Variants in LDB3 observed in about 807,000 individuals in gnomAD.
The protein encoded by LDB3 is LIM domain binding 3.
LDB3 carries 49 observed loss-of-function variants against 69.0 expected under a neutral mutation model. That is an observed-to-expected ratio of 0.71 (90% confidence interval 0.56 to 0.90). The LOEUF (loss-of-function observed/expected upper bound fraction) is 0.90, where lower values mean the gene tolerates loss of function less well. Among genes scored for constraint, LDB3 ranks in the 40% least tolerant of loss-of-function variants. LDB3 has a pLI of 0.00. For missense variants in LDB3, 928 were observed against 974.1 expected (o/e 0.95, Z 0.63); for synonymous variants, 387 against 396.2 (o/e 0.98, Z 0.28).
Position 86,733,111 on chromosome 10 carries a change from T to C in LDB3, c.*135T>C. 1.4e-6 allele frequency: 1 copy of C among 714,570 alleles called. No individual in the cohort carries two copies. Among genetic ancestry groups the C allele is most frequent in the Non-Finnish European group, 2.5e-6 (1 of 402,048 alleles). 44.3% of individuals were successfully genotyped at this position (714,570 alleles called of 1,614,324 possible). A position where few individuals can be genotyped will look rare whatever the true frequency, so the allele number is the denominator to read the frequency against. ...CGACTGAGCCCTTTGGAAGTATAAT[T>C]TTAGGTTTTTTCTTCTGTACACAGA... On this transcript the variant is annotated 3_prime_UTR_variant, in exon 14 of 14. Transcript: ENST00000361373.
intron 9 of LDB3, among the ~76,000 whole-genome samples, chr10:86,710,957 G>C (rs889839877): frequency 1.6e-4 from 25 of 152,356 alleles, no homozygotes; most frequent in African/African-American, 6.0e-4. Flanking sequence ...CACAGCGTCT[G>C]TCACACGGGA....
rs759847996 is a variant in LDB3 at position 86,668,575 on chromosome 10, G to C, written c.-24+5G>C. The stretch of plus-strand genomic sequence containing the variant: ...GGGCAGCAAGGGACAGAACAGGCAA[G>C]GCTGGGGGTCAGGGGCAGGGGCAGA... On this transcript the variant is annotated splice_donor_5th_base_variant and intron_variant, in intron 1 of 13. Transcript: ENST00000361373. 14 of 841,272 alleles carry C rather than the reference G, an allele frequency of 1.7e-5. No individual in the cohort carries two copies. The highest frequency in any genetic ancestry group is 2.9e-5 in the Non-Finnish European group (14 of 487,798). The allele number at this position is 841,272 out of a possible 1,614,324, so 52.1% of individuals were successfully genotyped here. A position where few individuals can be genotyped will look rare whatever the true frequency, so the allele number is the denominator to read the frequency against.
At chr10:86,686,142 G>A (rs1049409295) in intron 5 of LDB3, among the ~76,000 whole-genome samples, 1 of 152,160 alleles carries the variant, frequency 6.6e-6, no homozygotes, top group African/African-American at 2.4e-5. Context: ...GGTAGAGGAT[G>A]GCCAGCTACT....
chr10:86,687,273 G>A, intron 5 of LDB3: 2 of 1,614,028 alleles, frequency 1.2e-6, no homozygotes, highest in Non-Finnish European at 1.7e-6. Context: ...ACTTCAGTGG[G>A]TAAGCGCCTC....
At chr10:86,731,290 T>C (rs1186799593) in intron 13 of LDB3, among the ~76,000 whole-genome samples, 1 of 146,888 alleles carries the variant, frequency 6.8e-6, no homozygotes, top group Non-Finnish European at 1.5e-5. Flanking sequence ...AGTGGCATGA[T>C]CTCAGCTCAC....
intron 13 of LDB3, 78 bp from the exon 14 acceptor site, chr10:86,732,809 G>GT (rs1847520519): frequency 8.4e-7 from 1 of 1,191,024 alleles, no homozygotes; most frequent in Admixed American, 1.9e-5. Context: ...TGGCCAGGGC[G>GT]TTTTCTTAAA....
At position 86,722,588 on chromosome 10, in the gene LDB3, CAG is replaced by C. The variant is rs1188461339; in HGVS notation, c.1979-3546_1979-3545del. On this transcript the variant is annotated intron_variant, in intron 12 of 13. Coordinates refer to ENST00000361373, the MANE Select transcript of LDB3 (RefSeq NM_007078.3). The stretch of plus-strand genomic sequence containing the variant: ...TTTTTTTTTTTTTTTTTTTTTGAGA[CAG>C]AGTCTTGCTCTGTCACCCAGGCTGG... Among the ~76,000 whole-genome samples, 200 of 57,940 alleles carry C rather than the reference CAG, an allele frequency of 3.5e-3. 1 individual carries two copies. The highest frequency in any genetic ancestry group is 2.3e-3 in the Admixed American group (8 of 3,540). 38.0% of individuals were successfully genotyped at this position (57,940 alleles called of 152,430 possible). A position where few individuals can be genotyped will look rare whatever the true frequency, so the allele number is the denominator to read the frequency against.
chr10:86,666,947 G>A (rs1844208887), upstream of LDB3: 1 of 442,246 alleles, frequency 2.3e-6, no homozygotes, highest in East Asian at 7.1e-5. Context: ...CTGGCAGGAT[G>A]GACAAACACC....
rs1489243724 is a variant in LDB3 at position 86,668,724 on chromosome 10, G to A, written c.33G>A (p.Gly11=). MSYSVTLTGP[G]PWGFRLQGGK... ...ACAGTGTGACCCTGACTGGGCCCGG[G>A]CCCTGGGGCTTCCGTCTGCAGGGGG... Residue 11 remains glycine, a synonymous_variant, in exon 2 of 14, where the codon GGG becomes GGA. Transcript: ENST00000361373. 3 of 1,613,290 alleles carry A rather than the reference G, an allele frequency of 1.9e-6. No individual in the cohort carries two copies. The East Asian group carries it at 6.7e-5, about 36-fold the overall frequency.
chr10:86,703,371 G>A (rs1846332477), intron 7 of LDB3, among the ~76,000 whole-genome samples: 2 of 152,240 alleles, frequency 1.3e-5, no homozygotes, highest in South Asian at 2.1e-4. Context: ...CACCGGCATG[G>A]CTTCCAGAAG....
chr10:86,710,260 G>C, intron 9 of LDB3: 3 of 985,366 alleles, frequency 3.0e-6, no homozygotes, highest in Non-Finnish European at 3.6e-6. Context: ...CAAGAAAGCG[G>C]TGGATGATTC....
chr10:86,673,414 T>C (rs1410987783), intron 2 of LDB3, among the ~76,000 whole-genome samples: 1 of 152,004 alleles, frequency 6.6e-6, no homozygotes, highest in African/African-American at 2.4e-5. Context: ...GATGTGTGGG[T>C]CACTTCTTGG....
chr10:86,687,244 G>A, intron 5 of LDB3: 1 of 1,614,166 alleles, frequency 6.2e-7, no homozygotes, highest in Non-Finnish European at 8.5e-7. Context: ...CGCTGGGCAG[G>A]CCCAAGCCCA....
At chr10:86,676,479 C>T (rs556149716) in intron 2 of LDB3, among the ~76,000 whole-genome samples, 4 of 149,748 alleles carry the variant, frequency 2.7e-5, no homozygotes, top group Admixed American at 6.8e-5. Flanking sequence ...GCAGAAGAAT[C>T]GCTTGAACCC....
In LDB3 at chr10:86,734,604, G is replaced by A. The variant is rs1187022218; in HGVS notation, c.*1628G>A. 6.6e-6 allele frequency: 1 copy of A among 152,128 alleles called. No individual in the cohort carries two copies. The highest frequency in any genetic ancestry group is 2.4e-5 in the African/African-American group (1 of 41,408). 9.4% of individuals were successfully genotyped at this position (152,128 alleles called of 1,614,324 possible). On this transcript the variant is annotated 3_prime_UTR_variant, in exon 14 of 14. Transcript: ENST00000361373. ...TCTTCTAAGGACTGAGACTTCCAGG[G>A]GATTGCCATCTTACCTGTCTCTTCT...
rs376303519 is a variant in LDB3, at chr10:86,707,709, G to A, written c.1085+990G>A. 7.2e-5 allele frequency among the ~76,000 whole-genome samples: 11 copies of A among 152,294 alleles called. No homozygotes were observed. In the East Asian group the frequency reaches 1.2e-3, roughly 16 times the overall value. On this transcript the variant is annotated intron_variant, in intron 8 of 13. Transcript: ENST00000361373. ...GGGTAGGTCCATGGTGCAGCCTGAG[G>A]TGGGATTGATGTGAGCAAACCGGCT...
At chr10:86,696,602 C>T (rs1046502465) in intron 7 of LDB3, among the ~76,000 whole-genome samples, 1 of 152,222 alleles carries the variant, frequency 6.6e-6, no homozygotes, top group Non-Finnish European at 1.5e-5. Flanking sequence ...GCACTAATGA[C>T]AAACTATCAC....
At chr10:86,677,595 G>A (rs561213043) in intron 2 of LDB3, among the ~76,000 whole-genome samples, 21 of 152,186 alleles carry the variant, frequency 1.4e-4, no homozygotes, top group South Asian at 6.2e-4. Flanking sequence ...ATTCCATGGG[G>A]AATTCCCGGG....
In LDB3 at chr10:86,733,225, C is replaced by T. The variant is rs1434447637; in HGVS notation, c.*249C>T. On this transcript the variant is annotated 3_prime_UTR_variant, in exon 14 of 14. Transcript: ENST00000361373. ...TCCAAGACTGGAATTGTACTTCAGACATTTAGAGCAGAATTCCAAGAACTC... is the reference window on the plus strand; with the variant it reads ...TCCAAGACTGGAATTGTACTTCAGATATTTAGAGCAGAATTCCAAGAACTC... The T allele has an allele frequency of 1.7e-5, 8 of 463,564 alleles. No homozygotes were observed. The East Asian group carries it at 3.4e-4, about 20-fold the overall frequency. 28.7% of individuals were successfully genotyped at this position (463,564 alleles called of 1,614,324 possible). A position where few individuals can be genotyped will look rare whatever the true frequency, so the allele number is the denominator to read the frequency against.
Sources: allele counts gnomAD v4.1 joint callset (sites outside exome capture counted in the v4.1 genomes callset), GRCh38; gene constraint gnomAD v4.1.1; transcripts MANE v1.5; gene names NCBI Gene and HGNC (gene_info 2026-07-23, HGNC 2026-07-21).